SMPDL3B: variants seen among roughly 807,000 people sequenced by gnomAD.
SMPDL3B encodes the protein acid sphingomyelinase-like phosphodiesterase 3b.
SMPDL3B carries 31 observed loss-of-function variants against 37.9 expected under a neutral mutation model. The observed-to-expected ratio is 0.82, with a 90% confidence interval of 0.61 to 1.10. The LOEUF (loss-of-function observed/expected upper bound fraction) is 1.10. Ranked by LOEUF, SMPDL3B falls within the 50% of genes least tolerant of loss-of-function variation. The pLI, the probability that SMPDL3B is intolerant of heterozygous loss-of-function variation, is 0.00. For missense variants in SMPDL3B, 525 were observed against 597.8 expected, an observed-to-expected ratio of 0.88 and a Z score of 1.27; for synonymous variants, 235 against 242.6, an observed-to-expected ratio of 0.97 and a Z score of 0.29.
At position 27,958,669 on chromosome 1, in the gene SMPDL3B, A is replaced by T; in HGVS notation, c.1199A>T (p.Tyr400Phe). The T allele has an allele frequency of 1.2e-6, 2 of 1,613,960 alleles. No individual in the cohort carries two copies. Among genetic ancestry groups the T allele is most frequent in the Non-Finnish European group, 1.7e-6 (2 of 1,180,014 alleles). The change falls in exon 8 of 8, where the codon TAC becomes TTC. Residue 400 changes from tyrosine to phenylalanine, a missense_variant. Physicochemically the swap from Tyr to Phe is conservative, Grantham distance 22. Coordinates refer to ENST00000373894, the MANE Select transcript of SMPDL3B (RefSeq NM_014474.4). The surrounding 1 kb of genome is among the most constrained non-coding windows in gnomAD (Gnocchi z 5.6). ...QRYYVYNSVS[Y>F]SAGVCDEACS... ...TACTACGTCTATAACTCAGTCAGCT[A>T]CTCTGCTGGGGTCTGCGACGAGGCC... is the stretch of plus-strand genomic sequence containing the variant.
At chr1:27,952,452 G>T (rs1265576192) in intron 3 of SMPDL3B, among the ~76,000 whole-genome samples, 1 of 152,170 alleles carries the variant, frequency 6.6e-6, no homozygotes, top group Non-Finnish European at 1.5e-5. Flanking sequence ...AGTTATTTTT[G>T]TTGATTGTCA....
Position 27,953,311 on chromosome 1 carries a change from T to G in SMPDL3B, c.470T>G (p.Leu157Arg). The G allele has an allele frequency of 6.2e-7, 1 of 1,613,962 alleles. No individual in the cohort carries two copies. The highest frequency in any genetic ancestry group is 8.5e-7 in the Non-Finnish European group (1 of 1,179,874). ...SNNIYNQIAE[L>R]WKPWLSNESI... ...AACATCTACAATCAGATAGCAGAAC[T>G]ATGGAAACCCTGGCTTAGTAATGAG... The change falls in exon 4 of 8, where the codon CTA (leucine) becomes CGA (arginine). Residue 157 changes from leucine (L) to arginine (R), a missense_variant. By Grantham distance (102) the Leu-to-Arg change is moderately radical. Coordinates refer to ENST00000373894, the MANE Select transcript of SMPDL3B (RefSeq NM_014474.4).
chr1:27,956,814 G>A (rs372218268), intron 7 of SMPDL3B, among the ~76,000 whole-genome samples: 1 of 152,112 alleles, frequency 6.6e-6, no homozygotes, highest in East Asian at 1.9e-4. Flanking sequence ...ACAGTGAGGC[G>A]ACAGGGTGAC....
At position 27,945,455 on chromosome 1, in the gene SMPDL3B, GTTGAGGTGGCAGCTACCCT is replaced by G; in HGVS notation, c.275+14_275+32del. 6.2e-7 allele frequency: 1 copy of G among 1,611,166 alleles called. No homozygotes were observed. Among genetic ancestry groups the G allele is most frequent in the Non-Finnish European group, 8.5e-7 (1 of 1,177,392 alleles). ...TCATTCTCTGGACTGGGTGAGTACA[GTTGAGGTGGCAGCTACCCT>G]TTGCCAGGCATCTGCTATGTGCTAC... On this transcript the variant is annotated intron_variant, in intron 2 of 7. Transcript: ENST00000373894. This position sits in a 1 kb window ranked among gnomAD's most constrained non-coding sequence, Gnocchi z 4.0.
intron 5 of SMPDL3B, among the ~76,000 whole-genome samples, chr1:27,955,352 G>A (rs1442931745): frequency 1.1e-4 from 17 of 152,224 alleles, no homozygotes; most frequent in Admixed American, 3.9e-4. Flanking sequence ...GAATGGTTTC[G>A]TTGCAGTGTT....
chr1:27,942,118 C>A (rs1471606104), intron 1 of SMPDL3B, among the ~76,000 whole-genome samples: 1 of 152,142 alleles, frequency 6.6e-6, no homozygotes, highest in Non-Finnish European at 1.5e-5. Flanking sequence ...GGCTGGAAAA[C>A]GACAACTGAC....
intron 1 of SMPDL3B, among the ~76,000 whole-genome samples, chr1:27,940,934 G>A (rs1450101044): frequency 3.9e-5 from 6 of 152,176 alleles, no homozygotes; most frequent in Non-Finnish European, 7.4e-5. Context: ...TGTCCTCTAT[G>A]AGCCCTTTCT....
Position 27,945,210 on chromosome 1 carries a change from G to T in SMPDL3B, c.62-22G>T. On this transcript the variant is annotated intron_variant, in intron 1 of 7. Coordinates refer to ENST00000373894, the MANE Select transcript of SMPDL3B (RefSeq NM_014474.4). This position sits in a 1 kb window ranked among gnomAD's most constrained non-coding sequence, Gnocchi z 4.0. ...GCTGAGAGAGAGACCAGCTTTGAAG[G>T]AGGATGTTTTTTCCCCTGCAGGGAA... The T allele has an allele frequency of 6.2e-7, 1 of 1,611,520 alleles. No homozygotes were observed.
In SMPDL3B at chr1:27,945,619, A is replaced by G. The variant is rs182442917; in HGVS notation, c.275+174A>G. 4.1e-4 allele frequency among the ~76,000 whole-genome samples: 62 copies of G among 152,260 alleles called. No individual in the cohort carries two copies. Among genetic ancestry groups the G allele is most frequent in the Admixed American group, 2.8e-3 (43 of 15,296 alleles). ...ACTTGCCCGGGGATTCCTGAGTCCA[A>G]CTGATTCCACAGTCTGTGTCCTCGA... On this transcript the variant is annotated intron_variant, in intron 2 of 7. Coordinates refer to ENST00000373894, the MANE Select transcript of SMPDL3B (RefSeq NM_014474.4). The surrounding 1 kb of genome is among the most constrained non-coding windows in gnomAD (Gnocchi z 4.0).
At position 27,955,729 on chromosome 1, in the gene SMPDL3B, C is replaced by G; in HGVS notation, c.736C>G (p.Gln246Glu). 1 of 1,614,060 alleles carries G rather than the reference C, an allele frequency of 6.2e-7. No homozygotes were observed. Among genetic ancestry groups the G allele is most frequent in the Non-Finnish European group, 8.5e-7 (1 of 1,180,004 alleles). ...GCCCCCGGGGTTCTTTGAGAAGACG[C>G]AAAACAAGGCATGGTTCCGGGAGGG... ...HVPPGFFEKTQNKAWFREGFN... is the reference protein window; with the variant it reads ...HVPPGFFEKTENKAWFREGFN... Residue 246 changes from glutamine (Q) to glutamate (E), a missense_variant, in exon 6 of 8, where the codon CAA becomes GAA. Transcript: ENST00000373894.
chr1:27,947,249 T>C (rs116131476), intron 2 of SMPDL3B, among the ~76,000 whole-genome samples: 7,005 of 151,928 alleles, frequency 0.046, 529 homozygotes, highest in African/African-American at 0.16. Flanking sequence ...TTGGTGAGAG[T>C]GGTCTCAAAC....
chr1:27,949,878 G>A (rs4256835), intron 3 of SMPDL3B, among the ~76,000 whole-genome samples: 37,262 of 150,904 alleles, frequency 0.25, 4,658 homozygotes, highest in Admixed American at 0.27. Flanking sequence ...CTTCATCATG[G>A]GTCCCAGGAC....
intron 1 of SMPDL3B, among the ~76,000 whole-genome samples, chr1:27,943,420 G>A (rs1295130703): frequency 6.6e-6 from 1 of 152,134 alleles, no homozygotes; most frequent in Admixed American, 6.5e-5. Context: ...TGAGGGTCAG[G>A]GGCCAGCCTT....
In SMPDL3B at chr1:27,949,258, C is replaced by T. The variant is rs923800030; in HGVS notation, c.373+96C>T. On this transcript the variant is annotated intron_variant, in intron 3 of 7. Transcript: ENST00000373894. ...CAGCAGCAGCGAGTGTCCTGGCTGA[C>T]CTTCATCCATGGACAGCGATGGCTG... 41 of 1,296,506 alleles carry T rather than the reference C, an allele frequency of 3.2e-5. No homozygotes were observed. In the Admixed American group the frequency reaches 3.3e-4, roughly 10 times the overall value. The allele number at this position is 1,296,506 out of a possible 1,614,324, so 80.3% of individuals were successfully genotyped here.
chr1:27,952,756 A>G (rs1281313481), intron 3 of SMPDL3B, among the ~76,000 whole-genome samples: 1 of 152,200 alleles, frequency 6.6e-6, no homozygotes, highest in East Asian at 1.9e-4. Flanking sequence ...AGTTCTATGC[A>G]TTGGCTCATA....
chr1:27,944,644 C>T (rs1318796948), intron 1 of SMPDL3B, among the ~76,000 whole-genome samples: 2 of 152,152 alleles, frequency 1.3e-5, no homozygotes, highest in African/African-American at 4.8e-5. Flanking sequence ...GCATGAACCA[C>T]TGCACCCGGG....
At chr1:27,949,614 A>G (rs1208590886) in intron 3 of SMPDL3B, among the ~76,000 whole-genome samples, 1 of 152,150 alleles carries the variant, frequency 6.6e-6, no homozygotes, top group African/African-American at 2.4e-5. Context: ...GCTTCCAAGG[A>G]CTTCAGAGTC....
Position 27,958,523 on chromosome 1 carries a change from G to C in SMPDL3B, c.1053G>C (p.Gly351=). ...ACCTGAGCCAGGCGAATGCTCAGGG[G>C]ACGCCGCGCTGGGAGCTCGAGTACC... The part of the protein sequence containing the change: ...FMNLSQANAQ[G]TPRWELEYQL... The change falls in exon 8 of 8, where the codon GGG becomes GGC. Residue 351 remains glycine (G), a synonymous_variant. Coordinates refer to ENST00000373894, the MANE Select transcript of SMPDL3B (RefSeq NM_014474.4). This position sits in a 1 kb window ranked among gnomAD's most constrained non-coding sequence, Gnocchi z 5.6. The C allele has an allele frequency of 6.2e-7, 1 of 1,613,608 alleles. No homozygotes were observed. The highest frequency in any genetic ancestry group is 8.5e-7 in the Non-Finnish European group (1 of 1,179,700).
Position 27,953,254 on chromosome 1 carries a change from A to G in SMPDL3B, c.413A>G (p.His138Arg). The change falls in exon 4 of 8, where the codon CAC becomes CGC. Residue 138 changes from histidine (H) to arginine (R), a missense_variant. Transcript: ENST00000373894. ...VYAALGNHDF[H>R]PKNQFPAGSN... ...GCTGCTTTGGGAAATCATGATTTTC[A>G]CCCCAAAAACCAGTTCCCAGCTGGA... 2 of 1,613,446 alleles carry G rather than the reference A, an allele frequency of 1.2e-6. No individual in the cohort carries two copies. Among genetic ancestry groups the G allele is most frequent in the Non-Finnish European group, 8.5e-7 (1 of 1,179,484 alleles).
Sources: gnomAD v4.1 joint callset for allele counts (sites outside exome capture counted in the v4.1 genomes callset) on GRCh38, gnomAD v4.1.1 for gene constraint, Gnocchi (gnomAD v3.1) non-coding constraint, MANE v1.5 for transcripts, NCBI Gene and HGNC (gene_info 2026-07-23, HGNC 2026-07-21) for gene names.